Variants in MAGI2 observed in about 807,000 individuals in gnomAD.
MAGI2 encodes the protein membrane-associated guanylate kinase, WW and PDZ domain-containing protein 2.
MAGI2 carries 35 observed loss-of-function variants against 133.3 expected under a neutral mutation model. The ratio of observed to expected loss-of-function variants is 0.26; its 90% CI spans 0.20 to 0.35. The LOEUF (loss-of-function observed/expected upper bound fraction) is 0.35, where lower values mean the gene tolerates loss of function less well. Among genes scored for constraint, MAGI2 ranks in the 10% least tolerant of loss-of-function variants. The pLI is 1.00. For synonymous variants in MAGI2, 729 were observed against 710.6 expected (o/e 1.03, Z -0.41); for missense variants, 1,636 against 1,863.4 (o/e 0.88, Z 2.25).
At chr7:78,517,198 T>C (rs1690412789) in intron 4 of MAGI2, among the ~76,000 whole-genome samples, 2 of 152,106 alleles carry the variant, frequency 1.3e-5, no homozygotes, top group South Asian at 4.1e-4. Flanking sequence ...CCGGGGGATA[T>C]AAATTTTAAA....
At chr7:78,972,238 C>CT (rs1439926009) in intron 2 of MAGI2, among the ~76,000 whole-genome samples, 1 of 151,836 alleles carries the variant, frequency 6.6e-6, no homozygotes, top group Non-Finnish European at 1.5e-5. Flanking sequence ...CTATAACCTG[C>CT]TAAAATATAC....
At chr7:78,663,200 CTCTT>C (rs771445113) in intron 2 of MAGI2, among the ~76,000 whole-genome samples, 2 of 139,746 alleles carry the variant, frequency 1.4e-5, no homozygotes, top group South Asian at 2.3e-4. Flanking sequence ...TTTGTACCAA[CTCTT>C]TTTTTTTTTT....
In MAGI2 at chr7:79,352,550, T is replaced by C. The variant is rs572362412; in HGVS notation, c.301+100470A>G. ...CTAAGCAGAAGCATGAGGGGGAAGG[T>C]GCAGTTTGCAATCTGGCTGTAAGCC... On this transcript the variant is annotated intron_variant, in intron 1 of 21. Transcript: ENST00000354212. Among the ~76,000 whole-genome samples, 45 of 152,298 alleles carry C rather than the reference T, an allele frequency of 3.0e-4. 2 individuals carry two copies. In the South Asian group the frequency reaches 6.8e-3, roughly 23 times the overall value.
intron 2 of MAGI2, among the ~76,000 whole-genome samples, chr7:78,825,708 T>C (rs900225207): frequency 1.3e-5 from 2 of 152,224 alleles, no homozygotes; most frequent in Non-Finnish European, 2.9e-5. Context: ...TCTAACTGGC[T>C]AGATCCTCAT....
At chr7:79,444,942 GC>G (rs1202178201) in intron 1 of MAGI2, among the ~76,000 whole-genome samples, 1 of 152,158 alleles carries the variant, frequency 6.6e-6, no homozygotes, top group Non-Finnish European at 1.5e-5. Flanking sequence ...AACCAAAACA[GC>G]ATGGTACTGG....
intron 2 of MAGI2, among the ~76,000 whole-genome samples, chr7:78,670,782 A>T (rs1385972780): frequency 6.6e-6 from 1 of 152,128 alleles, no homozygotes; most frequent in Non-Finnish European, 1.5e-5. Context: ...CACAAGTTTG[A>T]AAAAGAAAAC....
chr7:78,256,826 T>A (rs939463756), intron 9 of MAGI2, among the ~76,000 whole-genome samples: 1 of 152,208 alleles, frequency 6.6e-6, no homozygotes, highest in Non-Finnish European at 1.5e-5. Flanking sequence ...CAACTTCATA[T>A]TCAGAAACAA....
rs114867065 is a variant in MAGI2 at position 78,190,202 on chromosome 7, C to A, written c.2270-4532G>T. Among the ~76,000 whole-genome samples the A allele has an allele frequency of 3.7e-3, 561 of 152,208 alleles. 5 individuals carry two copies. Among genetic ancestry groups the A allele is most frequent in the African/African-American group, 0.013 (526 of 41,534 alleles). On this transcript the variant is annotated intron_variant, in intron 12 of 21. Transcript: ENST00000354212. ...TCATTTGCCATGCACTAGATTTGTA[C>A]ATATGTCTAACTTTCTGGGTTTGGA...
At chr7:78,921,150 C>T (rs1456596410) in intron 2 of MAGI2, among the ~76,000 whole-genome samples, 1 of 152,074 alleles carries the variant, frequency 6.6e-6, no homozygotes, top group Non-Finnish European at 1.5e-5. Context: ...TCTCTTTAGT[C>T]CCTCTTCCTC....
intron 1 of MAGI2, among the ~76,000 whole-genome samples, chr7:79,396,165 C>T (rs1283370166): frequency 6.6e-6 from 1 of 151,990 alleles, no homozygotes; most frequent in Non-Finnish European, 1.5e-5. Context: ...AACTAGATTG[C>T]ATTTGCCAGC....
At chr7:78,198,694 G>A (rs1483678388) in intron 11 of MAGI2, among the ~76,000 whole-genome samples, 1 of 152,136 alleles carries the variant, frequency 6.6e-6, no homozygotes, top group Non-Finnish European at 1.5e-5. Flanking sequence ...TGCATACAGG[G>A]AGTAGAGAGA....
chr7:79,411,580 T>C (rs1846144217), intron 1 of MAGI2: 1 of 152,092 alleles, frequency 6.6e-6, no homozygotes, highest in Non-Finnish European at 1.5e-5. Flanking sequence ...AACACCTTGA[T>C]TTTAGCCCAG....
At position 79,453,475 on chromosome 7, in the gene MAGI2, T is replaced by TCTC; in HGVS notation, c.-156_-155insGAG. On this transcript the variant is annotated 5_prime_UTR_variant, in exon 1 of 22. Transcript: ENST00000354212. ...TTCGGTGCTTTCCCTCTTCTTTGGA[T>TCTC]GGAGTGTGGACGAGGAATGGGGAGG... 1 of 1,448,306 alleles carries TCTC rather than the reference T, an allele frequency of 6.9e-7. No individual in the cohort carries two copies. Among genetic ancestry groups the TCTC allele is most frequent in the Non-Finnish European group, 9.0e-7 (1 of 1,107,286 alleles). 89.7% of individuals were successfully genotyped at this position (1,448,306 alleles called of 1,614,324 possible). A position where few individuals can be genotyped will look rare whatever the true frequency, so the allele number is the denominator to read the frequency against.
At chr7:78,754,584 G>T (rs1247443286) in intron 2 of MAGI2, among the ~76,000 whole-genome samples, 6 of 152,096 alleles carry the variant, frequency 3.9e-5, no homozygotes, top group Admixed American at 1.3e-4. Flanking sequence ...ACTGTATCAA[G>T]TTGAGCAGCA....
chr7:78,767,362 A>C (rs79403480), intron 2 of MAGI2, among the ~76,000 whole-genome samples: 14,294 of 148,216 alleles, frequency 0.096, 869 homozygotes, highest in East Asian at 0.24. Flanking sequence ...TTTTTTTTTT[A>C]CAATTAAAAT....
chr7:78,460,634 C>T (rs964664001), intron 6 of MAGI2, among the ~76,000 whole-genome samples: 1 of 152,152 alleles, frequency 6.6e-6, no homozygotes, highest in African/African-American at 2.4e-5. Context: ...TGGAGGTTTA[C>T]TCCTTATTTA....
In MAGI2 at chr7:78,293,412, A is replaced by AATC. The variant is rs538482259; in HGVS notation, c.1409-36834_1409-36832dup. 5.0e-3 allele frequency among the ~76,000 whole-genome samples: 766 copies of AATC among 152,288 alleles called. 2 individuals are homozygous for AATC. The highest frequency in any genetic ancestry group is 7.6e-3 in the Non-Finnish European group (515 of 68,018). On this transcript the variant is annotated intron_variant, in intron 9 of 21. Coordinates refer to ENST00000354212, the MANE Select transcript of MAGI2 (RefSeq NM_012301.4). Reference sequence around the variant, plus strand: ...ACCATCTCACACCAGTTAGAATGGCAATCATTAAAAAGTCAGGGAACAACA... The same window carrying AATC: ...ACCATCTCACACCAGTTAGAATGGCAATCATCATTAAAAAGTCAGGGAACAACA...
intron 9 of MAGI2, among the ~76,000 whole-genome samples, chr7:78,335,932 G>T (rs1340239876): frequency 6.6e-6 from 1 of 152,144 alleles, no homozygotes; most frequent in African/African-American, 2.4e-5. Context: ...ATGTAGGAGG[G>T]TTACCAGATG....
intron 2 of MAGI2, among the ~76,000 whole-genome samples, chr7:78,996,955 T>C (rs1190127086): frequency 9.5e-6 from 1 of 105,212 alleles, no homozygotes; most frequent in Non-Finnish European, 2.2e-5. Context: ...CCGAGTCATA[T>C]TCTGCTTAAA....
Sources: allele counts gnomAD v4.1 joint callset (sites outside exome capture counted in the v4.1 genomes callset), GRCh38; gene constraint gnomAD v4.1.1; transcripts MANE v1.5; gene names NCBI Gene and HGNC (gene_info 2026-07-23, HGNC 2026-07-21).